The following PFN4 variants were observed in gnomAD, a reference collection of about 807,000 sequenced individuals.
PFN4 encodes the protein profilin-4.
In PFN4, 10 loss-of-function variants were observed where a neutral mutation model predicts 16.3. That is an observed-to-expected ratio of 0.61 (90% CI 0.38 to 1.04). The LOEUF (loss-of-function observed/expected upper bound fraction) is 1.04, where lower values mean the gene tolerates loss of function less well. Ranked by LOEUF, PFN4 falls within the 50% of genes least tolerant of loss-of-function variation. PFN4 has a pLI of 0.01. For missense variants in PFN4, 136 were observed against 153.6 expected (o/e 0.89, Z 0.61); for synonymous variants, 54 against 56.9 (o/e 0.95, Z 0.23).
chr2:24,120,268 C>CA (rs58841450), intron 3 of PFN4, among the ~76,000 whole-genome samples: 7,606 of 118,194 alleles, frequency 0.064, 248 homozygotes, highest in Non-Finnish European at 0.091. Flanking sequence ...AAACTCGTCT[C>CA]AAAAAAAAAA....
chr2:24,120,603 C>T (rs575596507), intron 3 of PFN4, among the ~76,000 whole-genome samples: 4 of 152,038 alleles, frequency 2.6e-5, no homozygotes, highest in East Asian at 3.9e-4. Flanking sequence ...TTGCCCAAGC[C>T]GGAGTGCAAT....
Position 24,117,740 on chromosome 2 carries a change from GC to G in PFN4, c.361+1836del, listed in dbSNP as rs538344030. Among the ~76,000 whole-genome samples, 366 of 152,248 alleles carry G rather than the reference GC, an allele frequency of 2.4e-3. 2 individuals are homozygous for G. Among genetic ancestry groups the G allele is most frequent in the African/African-American group, 8.5e-3 (352 of 41,526 alleles). On this transcript the variant is annotated intron_variant, in intron 4 of 4. Coordinates refer to ENST00000313213, the MANE Select transcript of PFN4 (RefSeq NM_199346.3). ...TTACAGGTGTGAGCCACCCCATCTG[GC>G]CTGTAATTCTTTACTTCCCAAATTT... is the stretch of plus-strand genomic sequence containing the variant.
chr2:24,118,348 A>G (rs1665986981), intron 4 of PFN4, among the ~76,000 whole-genome samples: 1 of 152,238 alleles, frequency 6.6e-6, no homozygotes, highest in Admixed American at 6.5e-5. Flanking sequence ...ATAGGTATAT[A>G]GTTTCTGTGA....
In PFN4 at chr2:24,119,650, A is replaced by G; in HGVS notation, c.288T>C (p.His96=). 2 of 1,613,622 alleles carry G rather than the reference A, an allele frequency of 1.2e-6. No individual in the cohort carries two copies. The highest frequency in any genetic ancestry group is 1.6e-4 in the Middle Eastern group (1 of 6,062). ...TGTAAGTTGCTACCAGAAGATACAG[A>G]TGGGTCTTCACGACAACCACACCAG... ...ENTGVVVVKT[H]LYLLVATYTE... is the part of the protein sequence containing the mutation. The change falls in exon 4 of 5, where the codon CAT becomes CAC. Residue 96 remains histidine, a synonymous_variant. Coordinates refer to ENST00000313213, the MANE Select transcript of PFN4 (RefSeq NM_199346.3).
At chr2:24,119,950 TA>T (rs1666049732) in intron 3 of PFN4, among the ~76,000 whole-genome samples, 1 of 152,100 alleles carries the variant, frequency 6.6e-6, no homozygotes, top group Non-Finnish European at 1.5e-5. Context: ...TGCAATTGAT[TA>T]TCATATACCC....
chr2:24,122,340 A>G, intron 2 of PFN4, 79 bp downstream of exon 2: 1 of 1,080,202 alleles, frequency 9.3e-7, no homozygotes. Context: ...AAAAAAAAAA[A>G]GTCATGTCTG....
intron 4 of PFN4, among the ~76,000 whole-genome samples, chr2:24,115,880 T>G (rs1665898668): frequency 6.9e-6 from 1 of 145,626 alleles, no homozygotes; most frequent in Non-Finnish European, 1.5e-5. Context: ...ATTTGAGTTG[T>G]CCTGGAGTAT....
intron 4 of PFN4, among the ~76,000 whole-genome samples, chr2:24,116,569 A>G (rs1018842126): frequency 1.3e-5 from 2 of 151,894 alleles, no homozygotes; most frequent in Non-Finnish European, 2.9e-5. Context: ...CAACCTGAGG[A>G]CCTGGCCGGG....
intron 2 of PFN4, among the ~76,000 whole-genome samples, chr2:24,121,960 C>T (rs1666132255): frequency 6.6e-6 from 1 of 152,156 alleles, no homozygotes; most frequent in African/African-American, 2.4e-5. Context: ...TCAGGTATTC[C>T]TTTATATCAA....
chr2:24,119,741 C>A lies in PFN4; in HGVS notation c.256-59G>T. ...TGGTTCTAATCACAGGACCAGTGGT[C>A]ATGCTCCAGCTACGTTTTTCACCAT... is the stretch of plus-strand genomic sequence containing the variant. On this transcript the variant is annotated intron_variant, in intron 3 of 4. Coordinates refer to ENST00000313213, the MANE Select transcript of PFN4 (RefSeq NM_199346.3). 4 of 1,268,234 alleles carry A rather than the reference C, an allele frequency of 3.2e-6. No homozygotes were observed. In the South Asian group the frequency reaches 3.9e-5, roughly 12 times the overall value. 78.6% of individuals were successfully genotyped at this position (1,268,234 alleles called of 1,614,324 possible).
At position 24,121,295 on chromosome 2, in the gene PFN4, C is replaced by A. The variant is rs1048780716; in HGVS notation, c.123G>T (p.Thr41=). The A allele has an allele frequency of 6.2e-7, 1 of 1,613,944 alleles. No individual in the cohort carries two copies. The highest frequency in any genetic ancestry group is 1.3e-5 in the African/African-American group (1 of 74,906). ...LCVASPGFNV[T]PSDVRTLVNG... ...TCACCAGTGTTCGGACATCACTGGGCGTTACCTGGAGAGGTTACATGGTTA... is the reference window on the plus strand; with the variant it reads ...TCACCAGTGTTCGGACATCACTGGGAGTTACCTGGAGAGGTTACATGGTTA... The change falls in exon 3 of 5, where the codon ACG becomes ACT. Residue 41 remains threonine, a synonymous_variant. Coordinates refer to ENST00000313213, the MANE Select transcript of PFN4 (RefSeq NM_199346.3).
intron 3 of PFN4, among the ~76,000 whole-genome samples, chr2:24,120,560 A>T (rs897558658): frequency 2.7e-4 from 32 of 118,664 alleles, no homozygotes; most frequent in South Asian, 6.1e-4. Flanking sequence ...ATTTTTTTTA[A>T]AATTTTTTTT....
intron 2 of PFN4, 77 bp downstream of exon 2, chr2:24,122,340 AGT>A: frequency 4.6e-6 from 5 of 1,080,198 alleles, no homozygotes; most frequent in Middle Eastern, 2.1e-4. Context: ...AAAAAAAAAA[AGT>A]CATGTCTGCT....
rs769400939 is a variant in PFN4 at position 24,115,609 on chromosome 2, C to G, written c.364G>C (p.Asp122His). Residue 122 changes from aspartate to histidine, a missense_variant and splice_region_variant, in exon 5 of 5, where the codon GAC (aspartate) becomes CAC (histidine). Coordinates refer to ENST00000313213, the MANE Select transcript of PFN4 (RefSeq NM_199346.3). ...TAACTTCCTTTTTTTCTTAGGTAGT[C>G]TCCTGAAAGCAAACACAGCATGGTT... ...ICVEATESLG[D>H]YLRKKGS is the part of the protein sequence containing the mutation. 1 of 1,612,396 alleles carries G rather than the reference C, an allele frequency of 6.2e-7. No individual in the cohort carries two copies. Among genetic ancestry groups the G allele is most frequent in the Non-Finnish European group, 8.5e-7 (1 of 1,179,318 alleles).
At chr2:24,115,907 CA>C (rs35038662) in intron 4 of PFN4, among the ~76,000 whole-genome samples, 64,507 of 116,896 alleles carry the variant, frequency 0.55, 15,135 homozygotes, top group East Asian at 0.79. Flanking sequence ...GGTTCCCATG[CA>C]AAAAAAAAAA....
At position 24,115,397 on chromosome 2, in the gene PFN4, A is replaced by T; in HGVS notation, c.*186T>A. ...GCCGATGACCAACACTTATTAAAAA[A>T]CAGTTGATCAAGTAATTCCAGTGAA... On this transcript the variant is annotated 3_prime_UTR_variant, in exon 5 of 5. Coordinates refer to ENST00000313213, the MANE Select transcript of PFN4 (RefSeq NM_199346.3). 1.7e-6 allele frequency: 1 copy of T among 593,152 alleles called. No homozygotes were observed. The highest frequency in any genetic ancestry group is 2.1e-5 in the South Asian group (1 of 48,774). 36.7% of individuals were successfully genotyped at this position (593,152 alleles called of 1,614,324 possible). A position where few individuals can be genotyped will look rare whatever the true frequency, so the allele number is the denominator to read the frequency against.
chr2:24,122,659 T>C, intron 1 of PFN4, 112 bp from the exon 2 acceptor site: 1 of 690,162 alleles, frequency 1.4e-6, no homozygotes, highest in Non-Finnish European at 2.5e-6. Context: ...CAAGTGTACT[T>C]TGAAAAGGTA....
chr2:24,122,539 C>T lies in PFN4; in HGVS notation c.-4G>A. On this transcript the variant is annotated 5_prime_UTR_variant, in exon 2 of 5. Coordinates refer to ENST00000313213, the MANE Select transcript of PFN4 (RefSeq NM_199346.3). ...ATAAGCTCTGCAAATGGCTCATGTT[C>T]CCTCAACTCTGAAAGGGAAAGTGCA... The T allele has an allele frequency of 6.9e-6, 11 of 1,600,836 alleles. No individual in the cohort carries two copies. The highest frequency in any genetic ancestry group is 1.3e-5 in the African/African-American group (1 of 74,566).
intron 4 of PFN4, among the ~76,000 whole-genome samples, chr2:24,118,904 C>T (rs564246348): frequency 1.3e-5 from 2 of 152,164 alleles, no homozygotes; most frequent in East Asian, 3.9e-4. Context: ...TTATGCAACT[C>T]CAGTAAACTT....
Sources: gnomAD v4.1 joint callset for allele counts (sites outside exome capture counted in the v4.1 genomes callset) on GRCh38, gnomAD v4.1.1 for gene constraint, MANE v1.5 for transcripts, NCBI Gene and HGNC (gene_info 2026-07-23, HGNC 2026-07-21) for gene names.